RABGAP1L: variants seen among roughly 807,000 people sequenced by gnomAD.
RABGAP1L encodes the protein RAB GTPase activating protein 1 like, also known as rab GTPase-activating protein 1-like.
RABGAP1L carries 63 observed loss-of-function variants against 137.7 expected under a neutral mutation model. The ratio of observed to expected loss-of-function variants is 0.46; its 90% CI spans 0.37 to 0.56. RABGAP1L has a LOEUF of 0.56. Ranked by LOEUF, RABGAP1L falls within the 20% of genes least tolerant of loss-of-function variation. The probability of loss-of-function intolerance (pLI) is 0.00; values close to 1 mark genes in which losing one functional copy is unlikely to be tolerated. For synonymous variants in RABGAP1L, 431 were observed against 433.7 expected, an observed-to-expected ratio of 0.99 and a Z score of 0.08; for missense variants, 1,095 against 1,244.0, an observed-to-expected ratio of 0.88 and a Z score of 1.80.
intron 11 of RABGAP1L, among the ~76,000 whole-genome samples, chr1:174,340,418 A>G (rs1558146418): frequency 6.6e-6 from 1 of 151,784 alleles, no homozygotes; most frequent in Non-Finnish European, 1.5e-5. Flanking sequence ...ATTCTTCCTG[A>G]TACTCCCCCT....
At chr1:174,195,612 TCTTTCTTCCTTC>T (rs1335889543) in intron 1 of RABGAP1L, among the ~76,000 whole-genome samples, 33 of 59,994 alleles carry the variant, frequency 5.5e-4, no homozygotes, top group South Asian at 1.7e-3. Flanking sequence ...TTTCTTTCTT[TCTTTCTTCCTTC>T]CTTCCTTCCT....
At chr1:174,536,134 G>C (rs1664869358) in intron 13 of RABGAP1L, among the ~76,000 whole-genome samples, 1 of 151,396 alleles carries the variant, frequency 6.6e-6, no homozygotes, top group Admixed American at 6.6e-5. Context: ...CTTTTGATTG[G>C]TATTTTAATT....
intron 14 of RABGAP1L, among the ~76,000 whole-genome samples, chr1:174,669,753 T>A (rs552463184): frequency 6.6e-6 from 1 of 152,232 alleles, no homozygotes; most frequent in Non-Finnish European, 1.5e-5. Context: ...CCACATTGTA[T>A]GTTCTTAGTA....
intron 17 of RABGAP1L, among the ~76,000 whole-genome samples, chr1:174,703,267 C>T (rs1293881038): frequency 1.3e-5 from 2 of 152,156 alleles, no homozygotes; most frequent in South Asian, 2.1e-4. Flanking sequence ...CCCTACCCCC[C>T]TCTCACTGTC....
chr1:174,692,075 C>T (rs1678914510), intron 15 of RABGAP1L, among the ~76,000 whole-genome samples: 2 of 152,312 alleles, frequency 1.3e-5, no homozygotes, highest in Non-Finnish European at 2.9e-5. Flanking sequence ...CCCCTTGCTT[C>T]TAGCCTTCAC....
At chr1:174,252,015 GC>G (rs950616594) in intron 6 of RABGAP1L, among the ~76,000 whole-genome samples, 1 of 151,502 alleles carries the variant, frequency 6.6e-6, no homozygotes, top group Non-Finnish European at 1.5e-5. Context: ...TCCTGCCTCA[GC>G]CTCCCCAGTA....
At chr1:174,562,447 TG>T (rs1469347873) in intron 13 of RABGAP1L, among the ~76,000 whole-genome samples, 1 of 152,158 alleles carries the variant, frequency 6.6e-6, no homozygotes, top group African/African-American at 2.4e-5. Context: ...GACAGTGTGG[TG>T]ATTCCTCAAG....
intron 1 of RABGAP1L, among the ~76,000 whole-genome samples, chr1:174,169,923 A>G (rs1166405833): frequency 1.3e-5 from 2 of 152,152 alleles, no homozygotes; most frequent in Admixed American, 6.5e-5. Flanking sequence ...GGTTTAAGCA[A>G]TCCTCCTGCC....
intron 17 of RABGAP1L, among the ~76,000 whole-genome samples, chr1:174,714,845 A>C (rs538502866): frequency 5.9e-5 from 9 of 152,140 alleles, no homozygotes; most frequent in Non-Finnish European, 1.3e-4. Context: ...AAAGATCTCT[A>C]AGTATTTCTA....
intron 11 of RABGAP1L, among the ~76,000 whole-genome samples, chr1:174,343,714 A>G (rs1320032306): frequency 1.3e-5 from 2 of 152,156 alleles, no homozygotes; most frequent in Non-Finnish European, 2.9e-5. Flanking sequence ...GAAAGTCAGA[A>G]AAGTAGGGGA....
At chr1:174,899,179 T>A (rs1453448070) in intron 19 of RABGAP1L, among the ~76,000 whole-genome samples, 5 of 151,820 alleles carry the variant, frequency 3.3e-5, no homozygotes, top group African/African-American at 9.7e-5. Context: ...GAACTTAAAC[T>A]GCAGAGACTT....
intron 19 of RABGAP1L, among the ~76,000 whole-genome samples, chr1:174,849,254 A>G (rs1274750613): frequency 6.6e-6 from 1 of 152,094 alleles, no homozygotes; most frequent in Non-Finnish European, 1.5e-5. Context: ...AAAATGTCAC[A>G]GTCTTAAGAG....
chr1:174,471,538 T>G (rs1657935213), intron 13 of RABGAP1L, among the ~76,000 whole-genome samples: 1 of 152,222 alleles, frequency 6.6e-6, no homozygotes, highest in Non-Finnish European at 1.5e-5. Context: ...ATTGAACATA[T>G]CCAAATCGGA....
intron 13 of RABGAP1L, among the ~76,000 whole-genome samples, chr1:174,515,025 T>C (rs1662690742): frequency 6.6e-6 from 1 of 152,154 alleles, no homozygotes; most frequent in African/African-American, 2.4e-5. Flanking sequence ...ATAACATTTT[T>C]CTGAAAAAGT....
chr1:174,590,313 T>C (rs1192513505), intron 13 of RABGAP1L, among the ~76,000 whole-genome samples: 1 of 150,770 alleles, frequency 6.6e-6, no homozygotes, highest in East Asian at 1.9e-4. Context: ...TCCTTTGTTT[T>C]AGATGCTGTA....
At chr1:174,704,885 A>G (rs763846011) in intron 17 of RABGAP1L, among the ~76,000 whole-genome samples, 2 of 152,218 alleles carry the variant, frequency 1.3e-5, no homozygotes, top group Non-Finnish European at 2.9e-5. Flanking sequence ...CCAAATTCAC[A>G]TCTTCAAGTT....
At chr1:174,712,767 A>G (rs951258909) in intron 17 of RABGAP1L, among the ~76,000 whole-genome samples, 5 of 152,204 alleles carry the variant, frequency 3.3e-5, no homozygotes, top group African/African-American at 1.2e-4. Context: ...GTTGGTGTTT[A>G]TTTATTGACT....
At chr1:174,925,863 TTTTTTTG>T (rs1662708546) in intron 19 of RABGAP1L, among the ~76,000 whole-genome samples, 1 of 148,504 alleles carries the variant, frequency 6.7e-6, no homozygotes, top group Non-Finnish European at 1.5e-5. Flanking sequence ...TTGTTGGTTT[TTTTTTTG>T]TTTTTGTTTT....
intron 13 of RABGAP1L, among the ~76,000 whole-genome samples, chr1:174,474,871 G>A (rs1658334377): frequency 6.6e-6 from 1 of 152,108 alleles, no homozygotes; most frequent in South Asian, 2.1e-4. Context: ...AAAGTGGTGG[G>A]ATTACAGGCG....
Sources: allele counts gnomAD v4.1 joint callset (sites outside exome capture counted in the v4.1 genomes callset), GRCh38; gene constraint gnomAD v4.1.1; transcripts MANE v1.5; gene names NCBI Gene and HGNC (gene_info 2026-07-23, HGNC 2026-07-21).